Variants in LRP1 observed in about 807,000 individuals in gnomAD.
The protein encoded by LRP1 is prolow-density lipoprotein receptor-related protein 1.
In LRP1, 51 loss-of-function variants were observed where a neutral mutation model predicts 541.5. The ratio of observed to expected loss-of-function variants is 0.09; its 90% confidence interval spans 0.08 to 0.12. The LOEUF is 0.12. Among genes scored for constraint, LRP1 ranks in the 10% least tolerant of loss-of-function variants. The pLI is 1.00. For synonymous variants in LRP1, 2,219 were observed against 2,470.8 expected (o/e 0.90, Z 3.02); for missense variants, 3,878 against 6,376.2 (o/e 0.61, Z 13.34).
In LRP1 at chr12:57,154,432, G is replaced by C. The variant is rs1330116052; in HGVS notation, c.1005-47G>C. 1.2e-6 allele frequency: 2 copies of C among 1,606,860 alleles called. No homozygotes were observed. The highest frequency in any genetic ancestry group is 1.7e-5 in the Admixed American group (1 of 59,794). On this transcript the variant is annotated intron_variant, in intron 7 of 88. Transcript: ENST00000243077. This position sits in a 1 kb window ranked among gnomAD's most constrained non-coding sequence, Gnocchi z 4.6. Reference sequence around the variant, plus strand: ...GGGAGGCTGAGGCTACAGTGGTAAGGAGGGTGCCCAATGTCCAGACCCCAT... The same window carrying C: ...GGGAGGCTGAGGCTACAGTGGTAAGCAGGGTGCCCAATGTCCAGACCCCAT...
At chr12:57,209,658 C>T in intron 79 of LRP1, 34 bp from the exon 80 acceptor site, 1 of 1,605,522 alleles carries the variant, frequency 6.2e-7, no homozygotes, top group Non-Finnish European at 8.5e-7. Flanking sequence ...CTGAGTGCCC[C>T]TCAGGTCCCC....
In LRP1 at chr12:57,204,629, C is replaced by T. The variant is rs750662659; in HGVS notation, c.11074C>T (p.Arg3692Trp). 4.3e-6 allele frequency: 7 copies of T among 1,613,818 alleles called. No individual in the cohort carries two copies. The highest frequency in any genetic ancestry group is 2.7e-5 in the African/African-American group (2 of 75,034). Residue 3692 changes from arginine to tryptophan, a missense_variant and splice_region_variant, in exon 72 of 89, where the codon CGG becomes TGG. By Grantham distance (101) the Arg-to-Trp change is moderately radical (BLOSUM62 -3). Coordinates refer to ENST00000243077, the MANE Select transcript of LRP1 (RefSeq NM_002332.3). The surrounding 1 kb of genome is among the most constrained non-coding windows in gnomAD (Gnocchi z 5.3). ...CTGTGTCCCCCTGGCTGCTGCAGCC[C>T]GGTTCGTGTGCCCTCCCAACCGGCC... ...NSDENPEECARFVCPPNRPFR... is the reference protein window; with the variant it reads ...NSDENPEECAWFVCPPNRPFR...
chr12:57,132,791 C>T lies in LRP1; in HGVS notation c.67+3760C>T, dbSNP rs557116767. On this transcript the variant is annotated intron_variant, in intron 1 of 88. Coordinates refer to ENST00000243077, the MANE Select transcript of LRP1 (RefSeq NM_002332.3). ...TTCTCTGCCTGTCTCCATTTACCCC[C>T]ATCCAGGCCTCTTGGTATCCCAAAA... 1.9e-3 allele frequency among the ~76,000 whole-genome samples: 290 copies of T among 152,324 alleles called. 1 individual carries two copies. Among genetic ancestry groups the T allele is most frequent in the Non-Finnish European group, 3.6e-3 (242 of 68,034 alleles).
At chr12:57,181,386 CA>C (rs2036164107) in intron 34 of LRP1, 95 bp downstream of exon 34, 25 of 1,451,458 alleles carry the variant, frequency 1.7e-5, no homozygotes, top group Non-Finnish European at 2.1e-5. Flanking sequence ...ACCTTGGGGA[CA>C]AGACTACATT....
At chr12:57,148,150 G>A (rs1255725388) in intron 6 of LRP1, among the ~76,000 whole-genome samples, 1 of 150,110 alleles carries the variant, frequency 6.7e-6, no homozygotes, top group Non-Finnish European at 1.5e-5. Flanking sequence ...ATGGTACCTG[G>A]ACAAGCTTTT....
In LRP1 at chr12:57,184,344, G is replaced by A. The variant is rs1434615804; in HGVS notation, c.6078G>A (p.Glu2026=). The part of the protein sequence containing the change: ...HPEKGYLFWT[E]WGQYPRIERS... ...CCTACAGGTACTTGTTCTGGACTGAGTGGGGTCAGTATCCGCGTATTGAGC... is the reference window on the plus strand; with the variant it reads ...CCTACAGGTACTTGTTCTGGACTGAATGGGGTCAGTATCCGCGTATTGAGC... Residue 2026 remains glutamate (E), a synonymous_variant, in exon 38 of 89, where the codon GAG becomes GAA. Transcript: ENST00000243077. The surrounding 1 kb of genome is among the most constrained non-coding windows in gnomAD (Gnocchi z 7.8). 6.2e-7 allele frequency: 1 copy of A among 1,614,228 alleles called. No individual in the cohort carries two copies. Among genetic ancestry groups the A allele is most frequent in the Non-Finnish European group, 8.5e-7 (1 of 1,180,038 alleles).
In LRP1 at chr12:57,197,155, G is replaced by A. The variant is rs2036552460; in HGVS notation, c.9066G>A (p.Lys3022=). The part of the protein sequence containing the change: ...APRGGDPHSC[K]AVTDEEPFLI... The stretch of plus-strand genomic sequence containing the variant: ...GCGGCGGCGACCCCCACAGCTGCAA[G>A]GCTGTGACTGGTGAGATGCGCGCTT... The change falls in exon 56 of 89, where the codon AAG becomes AAA. Residue 3022 remains lysine (K), a synonymous_variant. Coordinates refer to ENST00000243077, the MANE Select transcript of LRP1 (RefSeq NM_002332.3). The surrounding 1 kb of genome is among the most constrained non-coding windows in gnomAD (Gnocchi z 4.5). The A allele has an allele frequency of 2.5e-6, 4 of 1,613,976 alleles. No individual in the cohort carries two copies. Among genetic ancestry groups the A allele is most frequent in the Non-Finnish European group, 3.4e-6 (4 of 1,180,022 alleles).
intron 44 of LRP1, 133 bp from the exon 45 acceptor site, chr12:57,192,712 C>T (rs2036440188): frequency 1.6e-6 from 2 of 1,286,186 alleles, no homozygotes; most frequent in Non-Finnish European, 2.2e-6. Context: ...CCACTGGCTG[C>T]AAGCCGCTGT....
chr12:57,144,098 C>T (rs1476709927), intron 4 of LRP1, among the ~76,000 whole-genome samples: 4 of 152,170 alleles, frequency 2.6e-5, no homozygotes, highest in Non-Finnish European at 5.9e-5. Flanking sequence ...ATTCCGGTCC[C>T]CTTCCCATCT....
At chr12:57,140,876 G>A (rs1489226641) in intron 2 of LRP1, among the ~76,000 whole-genome samples, 1 of 152,130 alleles carries the variant, frequency 6.6e-6, no homozygotes, top group Non-Finnish European at 1.5e-5. Flanking sequence ...GGGACTACAG[G>A]TGCATGCCAC....
In LRP1 at chr12:57,194,428, C is replaced by T. The variant is rs142978324; in HGVS notation, c.7993C>T (p.Leu2665Phe). 6 of 1,535,880 alleles carry T rather than the reference C, an allele frequency of 3.9e-6. No homozygotes were observed. Among genetic ancestry groups the T allele is most frequent in the Non-Finnish European group, 4.4e-6 (5 of 1,141,492 alleles). Residue 2665 changes from leucine (L) to phenylalanine (F), a missense_variant, in exon 49 of 89, where the codon CTC becomes TTC. This residue lies in a region of LRP1 where 1,100 missense variants were observed against 1,827.4 expected (regional missense o/e 0.60). Coordinates refer to ENST00000243077, the MANE Select transcript of LRP1 (RefSeq NM_002332.3). ...VLFQPCERTS[L>F]CYAPSWVCDG... ...CTTCCAGCCCTGCGAGCGGACCTCACTCTGCTACGCACCCAGCTGGGTGTG... is the reference window on the plus strand; with the variant it reads ...CTTCCAGCCCTGCGAGCGGACCTCATTCTGCTACGCACCCAGCTGGGTGTG...
chr12:57,197,719 C>A lies in LRP1; in HGVS notation c.9282+55C>A, dbSNP rs899982171. On this transcript the variant is annotated intron_variant, in intron 58 of 88. Transcript: ENST00000243077. The surrounding 1 kb of genome is among the most constrained non-coding windows in gnomAD (Gnocchi z 4.5). Reference sequence around the variant, plus strand: ...CTGGCCCGCCTCAGATGACTGTTTTCAGATCGTCTCTCCTTCCCGCCCCAC... The same window carrying A: ...CTGGCCCGCCTCAGATGACTGTTTTAAGATCGTCTCTCCTTCCCGCCCCAC... The A allele has an allele frequency of 6.3e-7, 1 of 1,594,640 alleles. No individual in the cohort carries two copies. The highest frequency in any genetic ancestry group is 1.3e-5 in the African/African-American group (1 of 74,198).
In LRP1 at chr12:57,206,686, C is replaced by T; in HGVS notation, c.11804C>T (p.Pro3935Leu). The change falls in exon 76 of 89, where the codon CCT becomes CTT. Residue 3935 changes from proline to leucine, a missense_variant. Physicochemically the swap from Pro to Leu is moderately conservative, Grantham distance 98 (BLOSUM62 -3). Coordinates refer to ENST00000243077, the MANE Select transcript of LRP1 (RefSeq NM_002332.3). This position sits in a 1 kb window ranked among gnomAD's most constrained non-coding sequence, Gnocchi z 4.7. ...CGCAGCCTGCCACCTGCTGCGCCTCCTACCACTTCCAACCGCCACCGGCGA... is the reference window on the plus strand; with the variant it reads ...CGCAGCCTGCCACCTGCTGCGCCTCTTACCACTTCCAACCGCCACCGGCGA... ...SYRSLPPAAPPTTSNRHRRQI... is the reference protein window; with the variant it reads ...SYRSLPPAAPLTTSNRHRRQI... 6.2e-7 allele frequency: 1 copy of T among 1,613,630 alleles called. No individual in the cohort carries two copies. Among genetic ancestry groups the T allele is most frequent in the South Asian group, 1.1e-5 (1 of 91,080 alleles).
rs2036227479 is a variant in LRP1 at position 57,184,399 on chromosome 12, G to A, written c.6133G>A (p.Val2045Met). The A allele has an allele frequency of 1.2e-6, 2 of 1,614,132 alleles. No homozygotes were observed. Among genetic ancestry groups the A allele is most frequent in the Non-Finnish European group, 8.5e-7 (1 of 1,180,050 alleles). Residue 2045 changes from valine to methionine, a missense_variant, in exon 38 of 89, where the codon GTG becomes ATG. Val to Met is a conservative substitution (Grantham distance 21). This residue lies in a region of LRP1 where 1,100 missense variants were observed against 1,827.4 expected (regional missense o/e 0.60). Transcript: ENST00000243077. This position sits in a 1 kb window ranked among gnomAD's most constrained non-coding sequence, Gnocchi z 7.8. ...TCGGCTAGATGGCACGGAGCGTGTG[G>A]TGCTGGTCAACGTCAGCATCAGCTG... ...RSRLDGTERV[V>M]LVNVSISWPN...
rs774171726 is a variant in LRP1 at position 57,165,988 on chromosome 12, G to C, written c.2671+43G>C. The C allele has an allele frequency of 6.2e-7, 1 of 1,612,528 alleles. No individual in the cohort carries two copies. Among genetic ancestry groups the C allele is most frequent in the South Asian group, 1.1e-5 (1 of 91,058 alleles). ...CCCCACCCTGTTGGATGGCAGGCCT[G>C]CAGGGCAGCTCGGCTCTGGCAGTGC... On this transcript the variant is annotated intron_variant, in intron 16 of 88. Coordinates refer to ENST00000243077, the MANE Select transcript of LRP1 (RefSeq NM_002332.3). The surrounding 1 kb of genome is among the most constrained non-coding windows in gnomAD (Gnocchi z 4.5).
Position 57,138,565 on chromosome 12 carries a change from C to T in LRP1, c.174C>T (p.Asp58=), listed in dbSNP as rs144902096. The T allele has an allele frequency of 1.9e-4, 301 of 1,614,016 alleles. 1 individual carries two copies. The highest frequency in any genetic ancestry group is 4.0e-4 in the Admixed American group (24 of 59,996). ...AGAGGGACTGCCCAGACGGATCTGA[C>T]GAGGCCCCTGAGATTTGTAAGTACC... ...DGERDCPDGS[D]EAPEICPQSK... The change falls in exon 2 of 89, where the codon GAC becomes GAT. Residue 58 remains aspartate (D), a synonymous_variant. Coordinates refer to ENST00000243077, the MANE Select transcript of LRP1 (RefSeq NM_002332.3).
rs1034173468 is a variant in LRP1 at position 57,180,464 on chromosome 12, G to A, written c.5371G>A (p.Ala1791Thr). 15 of 1,613,992 alleles carry A rather than the reference G, an allele frequency of 9.3e-6. No homozygotes were observed. Among genetic ancestry groups the A allele is most frequent in the Admixed American group, 1.7e-5 (1 of 60,034 alleles). ...AMRSQLGKAT[A>T]LAIMGDKLWW... ...GCGGAGCCAGCTGGGCAAGGCCACC[G>A]CCCTGGCCATCATGGGTGAGGGCTG... Residue 1791 changes from alanine (A) to threonine (T), a missense_variant, in exon 32 of 89, where the codon GCC becomes ACC. Transcript: ENST00000243077.
chr12:57,166,120 A>G lies in LRP1; in HGVS notation c.2708A>G (p.Glu903Gly). The G allele has an allele frequency of 6.2e-7, 1 of 1,614,236 alleles. No homozygotes were observed. Among genetic ancestry groups the G allele is most frequent in the South Asian group, 1.1e-5 (1 of 91,084 alleles). Residue 903 changes from glutamate (E) to glycine (G), a missense_variant, in exon 17 of 89, where the codon GAG (glutamate) becomes GGG (glycine). Glu to Gly is a moderately conservative substitution (Grantham distance 98). Coordinates refer to ENST00000243077, the MANE Select transcript of LRP1 (RefSeq NM_002332.3). Reference protein sequence around the residue: ...HTCPSDRFKCENNRCIPNRWL... With the variant: ...HTCPSDRFKCGNNRCIPNRWL... Reference sequence around the variant, plus strand: ...TGCCCCTCGGACCGATTCAAGTGCGAGAACAACCGGTGCATCCCCAACCGC... The same window carrying G: ...TGCCCCTCGGACCGATTCAAGTGCGGGAACAACCGGTGCATCCCCAACCGC...
At position 57,186,854 on chromosome 12, in the gene LRP1, C is replaced by G. The variant is rs79319993; in HGVS notation, c.6842-413C>G. Among the ~76,000 whole-genome samples the G allele has an allele frequency of 1.9e-3, 294 of 152,342 alleles. 6 individuals are homozygous for G. The East Asian group carries it at 0.049, about 25-fold the overall frequency. On this transcript the variant is annotated intron_variant, in intron 41 of 88. Coordinates refer to ENST00000243077, the MANE Select transcript of LRP1 (RefSeq NM_002332.3). The stretch of plus-strand genomic sequence containing the variant: ...CTCTCACTGTGCCTTGGTTCTTTAA[C>G]CTGAGTTTAAGATGTCTGCTTTATA...
Sources: gnomAD v4.1 joint callset for allele counts (sites outside exome capture counted in the v4.1 genomes callset) on GRCh38, gnomAD v4.1.1 for gene constraint, gnomAD v4.1.1 regional missense constraint, Gnocchi (gnomAD v3.1) non-coding constraint, MANE v1.5 for transcripts, NCBI Gene and HGNC (gene_info 2026-07-23, HGNC 2026-07-21) for gene names.